LRRC7: variants seen among roughly 807,000 people sequenced by gnomAD.
The protein encoded by LRRC7 is leucine rich repeat containing 7, also known as leucine-rich repeat-containing protein 7.
In LRRC7, 23 loss-of-function variants were observed where a neutral mutation model predicts 175.7. The ratio of observed to expected loss-of-function variants is 0.13; its 90% CI spans 0.09 to 0.19. The LOEUF (loss-of-function observed/expected upper bound fraction) is 0.19. Among genes scored for constraint, LRRC7 ranks in the 10% least tolerant of loss-of-function variants. The pLI, the probability that LRRC7 is intolerant of heterozygous loss-of-function variation, is 1.00. For synonymous variants in LRRC7, 685 were observed against 680.9 expected, an observed-to-expected ratio of 1.01 and a Z score of -0.09; for missense variants, 1,354 against 1,904.7, an observed-to-expected ratio of 0.71 and a Z score of 5.38.
chr1:69,613,353 C>A (rs950045168), intron 1 of LRRC7, among the ~76,000 whole-genome samples: 1 of 152,028 alleles, frequency 6.6e-6, no homozygotes, highest in Non-Finnish European at 1.5e-5. Flanking sequence ...TATCCTATGA[C>A]CTAATTACCT....
intron 1 of LRRC7, among the ~76,000 whole-genome samples, chr1:69,666,998 G>A (rs1159977320): frequency 1.3e-5 from 2 of 151,994 alleles, no homozygotes; most frequent in Non-Finnish European, 1.5e-5. Flanking sequence ...GTTTTGGTAT[G>A]TATTTCCATT....
Position 70,076,007 on chromosome 1 carries a change from C to T in LRRC7, c.4231-70C>T, listed in dbSNP as rs780039750. On this transcript the variant is annotated intron_variant, in intron 23 of 26. Transcript: ENST00000651989. ...CGCTTTACCAGAGAGGTATTCTGTA[C>T]GTGCTTTCTACTTTAATCACATCCT... 7.3e-5 allele frequency: 112 copies of T among 1,528,958 alleles called. No homozygotes were observed. The Middle Eastern group carries it at 1.6e-3, about 22-fold the overall frequency. 94.7% of individuals were successfully genotyped at this position (1,528,958 alleles called of 1,614,324 possible).
At chr1:69,652,840 G>A (rs1656057428) in intron 1 of LRRC7, among the ~76,000 whole-genome samples, 1 of 152,086 alleles carries the variant, frequency 6.6e-6, no homozygotes, top group Non-Finnish European at 1.5e-5. Context: ...ACTCATATAT[G>A]TTCAAATGAT....
At chr1:69,719,288 T>TA (rs1446665382) in intron 2 of LRRC7, among the ~76,000 whole-genome samples, 1 of 151,734 alleles carries the variant, frequency 6.6e-6, no homozygotes, top group African/African-American at 2.4e-5. Context: ...ATAGACTAGG[T>TA]ACTCATAAGT....
At position 69,749,828 on chromosome 1, in the gene LRRC7, C is replaced by T. The variant is rs1669640539; in HGVS notation, c.101-10363C>T. Among the ~76,000 whole-genome samples, 3 of 151,872 alleles carry T rather than the reference C, an allele frequency of 2.0e-5. 1 individual carries two copies. Among genetic ancestry groups the T allele is most frequent in the Non-Finnish European group, 4.4e-5 (3 of 67,990 alleles). The stretch of plus-strand genomic sequence containing the variant: ...CCTGTAATCCCAGCACTTTGGGAGG[C>T]TGAGGTGGGCGGATCACGAGGTCAG... On this transcript the variant is annotated intron_variant, in intron 2 of 26. Transcript: ENST00000651989.
chr1:70,038,851 G>A lies in LRRC7; in HGVS notation c.3027G>A (p.Gly1009=). The A allele has an allele frequency of 6.2e-7, 1 of 1,614,010 alleles. No individual in the cohort carries two copies. ...YNIPLENYAS[G]SDHLGSHERP... ...TACCATTAGAAAACTATGCTTCTGGGAGTGATCACTTAGGAAGCCACGAAC... is the reference window on the plus strand; with the variant it reads ...TACCATTAGAAAACTATGCTTCTGGAAGTGATCACTTAGGAAGCCACGAAC... Residue 1009 remains glycine, a synonymous_variant, in exon 21 of 27, where the codon GGG becomes GGA. Transcript: ENST00000651989.
rs867560898 is a variant in LRRC7 at position 70,007,136 on chromosome 1, G to A, written c.1005-4661G>A. Among the ~76,000 whole-genome samples, 64 of 152,238 alleles carry A rather than the reference G, an allele frequency of 4.2e-4. 1 individual carries two copies. The highest frequency in any genetic ancestry group is 1.8e-4 in the Non-Finnish European group (12 of 68,016). ...TCCCCAGAGGTCAGGGGGTGAGACC[G>A]AAACTTCCAGCCCTCTAATCACAAG... On this transcript the variant is annotated intron_variant, in intron 11 of 26. Transcript: ENST00000651989.
chr1:70,078,810 G>GCA (rs374404537), intron 24 of LRRC7, among the ~76,000 whole-genome samples: 56 of 141,286 alleles, frequency 4.0e-4, no homozygotes, highest in African/African-American at 8.2e-4. Flanking sequence ...GCGCGCGCGC[G>GCA]CACACACACA....
intron 11 of LRRC7, among the ~76,000 whole-genome samples, chr1:69,998,859 C>T (rs867781554): frequency 3.3e-5 from 5 of 152,190 alleles, no homozygotes; most frequent in African/African-American, 1.2e-4. Context: ...CAGGTGAGGA[C>T]CTCCCAGCTT....
chr1:70,050,039 A>G (rs557685836), intron 22 of LRRC7, among the ~76,000 whole-genome samples: 33 of 152,228 alleles, frequency 2.2e-4, no homozygotes, highest in Non-Finnish European at 3.2e-4. Flanking sequence ...ACACCCATCA[A>G]TTAGCAAAGC....
intron 1 of LRRC7, chr1:69,607,615 G>T (rs191932708): frequency 6.6e-6 from 1 of 152,036 alleles, no homozygotes; most frequent in South Asian, 2.1e-4. Context: ...CAGCCTTGAT[G>T]ATGGGTTAAT....
chr1:70,114,051 T>C (rs1287588557), intron 26 of LRRC7, among the ~76,000 whole-genome samples: 1 of 147,602 alleles, frequency 6.8e-6, no homozygotes, highest in Non-Finnish European at 1.5e-5. Flanking sequence ...AAAAATTCTT[T>C]AAAAAAAATC....
chr1:69,936,267 C>CA, intron 8 of LRRC7, among the ~76,000 whole-genome samples: 1 of 152,000 alleles, frequency 6.6e-6, no homozygotes, highest in Non-Finnish European at 1.5e-5. Context: ...TCAAGTTTCT[C>CA]AAAAAGAAAA....
intron 2 of LRRC7, among the ~76,000 whole-genome samples, chr1:69,696,397 TA>T (rs2100678013): frequency 6.6e-6 from 1 of 152,288 alleles, no homozygotes; most frequent in East Asian, 1.9e-4. Context: ...TGGAAGTAAA[TA>T]ACTTGTTTTT....
In LRRC7 at chr1:69,760,175, T is replaced by C; in HGVS notation, c.101-16T>C. The C allele has an allele frequency of 6.2e-6, 10 of 1,610,492 alleles. No homozygotes were observed. Among genetic ancestry groups the C allele is most frequent in the South Asian group, 3.3e-5 (3 of 90,992 alleles). ...GATAAGCTGTTTTGTTTTGTTTTGTTTCTGCGTTTCTCTAGTGCAGTGCCT... is the reference window on the plus strand; with the variant it reads ...GATAAGCTGTTTTGTTTTGTTTTGTCTCTGCGTTTCTCTAGTGCAGTGCCT... On this transcript the variant is annotated splice_polypyrimidine_tract_variant and intron_variant, in intron 2 of 26. Coordinates refer to ENST00000651989, the MANE Select transcript of LRRC7 (RefSeq NM_001370785.2).
rs1034591104 is a variant in LRRC7, at chr1:70,124,762, A to G, written c.*2875A>G. ...AGTCAAGGGTGTGCCTTTTAAAAAA[A>G]AAAAAGAAAAATCAATAACAACAAA... On this transcript the variant is annotated 3_prime_UTR_variant, in exon 27 of 27. Transcript: ENST00000651989. Among the ~76,000 whole-genome samples the G allele has an allele frequency of 7.9e-5, 12 of 151,948 alleles. No homozygotes were observed. The highest frequency in any genetic ancestry group is 2.7e-4 in the African/African-American group (11 of 41,434).
intron 2 of LRRC7, among the ~76,000 whole-genome samples, chr1:69,718,906 C>G (rs1666051153): frequency 6.6e-6 from 1 of 151,814 alleles, no homozygotes; most frequent in Non-Finnish European, 1.5e-5. Flanking sequence ...AGAGCTAATC[C>G]AACTTTCGAT....
intron 26 of LRRC7, among the ~76,000 whole-genome samples, chr1:70,110,475 G>T (rs1162032496): frequency 1.3e-5 from 2 of 152,154 alleles, no homozygotes; most frequent in African/African-American, 4.8e-5. Flanking sequence ...TATATGTGGG[G>T]ACGTGAGGGT....
intron 2 of LRRC7, among the ~76,000 whole-genome samples, chr1:69,715,574 C>T (rs916926093): frequency 2.6e-5 from 4 of 151,882 alleles, no homozygotes; most frequent in Non-Finnish European, 5.9e-5. Flanking sequence ...GTACTGAATA[C>T]ATTAAGCTAT....
Sources: allele counts gnomAD v4.1 joint callset (sites outside exome capture counted in the v4.1 genomes callset), GRCh38; gene constraint gnomAD v4.1.1; transcripts MANE v1.5; gene names NCBI Gene and HGNC (gene_info 2026-07-23, HGNC 2026-07-21).